The following FTCDNL1 variants were observed in gnomAD, a reference collection of about 807,000 sequenced individuals.
FTCDNL1 encodes formiminotransferase N-terminal subdomain-containing protein.
In FTCDNL1, 11 loss-of-function variants were observed where a neutral mutation model predicts 5.9. That is an observed-to-expected ratio of 1.87 (90% CI 1.18 to 3.10). The LOEUF (loss-of-function observed/expected upper bound fraction) is 3.10, where lower values mean the gene tolerates loss of function less well. FTCDNL1 is among the 30% of genes most tolerant of loss of function. The pLI is 0.00. For synonymous variants in FTCDNL1, 58 were observed against 24.8 expected, an observed-to-expected ratio of 2.34 and a Z score of -3.99; for missense variants, 115 against 65.5, an observed-to-expected ratio of 1.76 and a Z score of -2.61.
At chr2:199,806,496 T>C (rs1700732396), downstream of FTCDNL1, among the ~76,000 whole-genome samples, 2 of 152,234 alleles carry the variant, frequency 1.3e-5, no homozygotes, top group Admixed American at 6.5e-5. Context: ...CAAGCCTGCT[T>C]TGGCTCAGCC....
the FTCDNL1 span, among the ~76,000 whole-genome samples, chr2:199,702,346 A>C: frequency 6.6e-6 from 1 of 152,176 alleles, no homozygotes; most frequent in Admixed American, 6.5e-5. Context: ...AATTCGAGTC[A>C]TCACATGGTA....
chr2:199,678,628 T>C, the FTCDNL1 span, among the ~76,000 whole-genome samples: 2 of 151,928 alleles, frequency 1.3e-5, no homozygotes, highest in Non-Finnish European at 2.9e-5. Flanking sequence ...TGATTTATCC[T>C]CATTTTGGAA....
In FTCDNL1 at chr2:199,819,657, C is replaced by T; in HGVS notation, c.312G>A (p.Lys104=). Residue 104 remains lysine (K), a synonymous_variant, in exon 4 of 5, where the codon AAG becomes AAA. Transcript: ENST00000420128. ...PEKRSLVQRR[K]QLGWFTRRDF... Reference sequence around the variant, plus strand: ...CCCTCCTCGTGAACCAGCCCAGCTGCTTCCTTCTCTGCACAAGACTGCGCT... The same window carrying T: ...CCCTCCTCGTGAACCAGCCCAGCTGTTTCCTTCTCTGCACAAGACTGCGCT... 1 of 702,338 alleles carries T rather than the reference C, an allele frequency of 1.4e-6. No individual in the cohort carries two copies. The highest frequency in any genetic ancestry group is 2.6e-6 in the Non-Finnish European group (1 of 384,818). The allele number at this position is 702,338 out of a possible 1,614,324, so 43.5% of individuals were successfully genotyped here. A position where few individuals can be genotyped will look rare whatever the true frequency, so the allele number is the denominator to read the frequency against.
intron 3 of FTCDNL1, among the ~76,000 whole-genome samples, chr2:199,787,192 T>TTTTC (rs1699698392): frequency 2.8e-5 from 4 of 143,564 alleles, no homozygotes; most frequent in Non-Finnish European, 6.3e-5. Flanking sequence ...CTTTTCTTTT[T>TTTTC]TTTTTTTGAG....
the FTCDNL1 span, among the ~76,000 whole-genome samples, chr2:199,676,677 A>T: frequency 2.6e-5 from 4 of 152,150 alleles, no homozygotes; most frequent in African/African-American, 9.7e-5. Flanking sequence ...GATGTTCTTA[A>T]GCAAATGCTG....
rs200391475 is a variant in FTCDNL1, at chr2:199,788,339, TA to T, written c.212-27505del. Among the ~76,000 whole-genome samples, 937 of 152,276 alleles carry T rather than the reference TA, an allele frequency of 6.2e-3. 3 individuals carry two copies. Among genetic ancestry groups the T allele is most frequent in the Middle Eastern group, 0.01 (3 of 294 alleles). ...GGGAAGAAGAGAAATTCTAGGGGAATATTTTTTTAGTAGATATTTTAGCACA... is the reference window on the plus strand; with the variant it reads ...GGGAAGAAGAGAAATTCTAGGGGAATTTTTTTTAGTAGATATTTTAGCACA... On this transcript the variant is annotated intron_variant, in intron 3 of 3. Transcript: ENST00000416668.
chr2:199,684,383 A>C, the FTCDNL1 span, among the ~76,000 whole-genome samples: 1 of 152,200 alleles, frequency 6.6e-6, no homozygotes, highest in East Asian at 1.9e-4. Context: ...TACTTTCCAG[A>C]GTCATGGCAC....
intron 3 of FTCDNL1, among the ~76,000 whole-genome samples, chr2:199,821,448 C>A (rs1160088702): frequency 6.7e-6 from 1 of 148,332 alleles, no homozygotes; most frequent in Non-Finnish European, 1.5e-5. Context: ...GCATAAGCCA[C>A]GTGCCCAGCC....
chr2:199,744,920 G>A, the FTCDNL1 span, among the ~76,000 whole-genome samples: 8 of 152,156 alleles, frequency 5.3e-5, no homozygotes, highest in Non-Finnish European at 1.0e-4. Flanking sequence ...CCCGTTCCTC[G>A]CAAAGGCCTC....
the FTCDNL1 span, among the ~76,000 whole-genome samples, chr2:199,722,531 T>C: frequency 6.6e-6 from 1 of 152,236 alleles, no homozygotes; most frequent in African/African-American, 2.4e-5. Flanking sequence ...TGTAGCCTTG[T>C]AGTACAGTTT....
At chr2:199,831,232 AG>A (rs1256191422) in intron 3 of FTCDNL1, among the ~76,000 whole-genome samples, 1 of 152,242 alleles carries the variant, frequency 6.6e-6, no homozygotes, top group African/African-American at 2.4e-5. Context: ...TATGGAAATG[AG>A]GTCAGGATAA....
rs1700913654 is a variant in FTCDNL1 at position 199,809,522 on chromosome 2, A to G, written c.*3183T>C. ...CTGTGCTTTATGGGGAGCATCTGATACTAGAACAATATAAATACTAAGGAT... is the reference window on the plus strand; with the variant it reads ...CTGTGCTTTATGGGGAGCATCTGATGCTAGAACAATATAAATACTAAGGAT... On this transcript the variant is annotated 3_prime_UTR_variant, in exon 5 of 5. Transcript: ENST00000420128. Among the ~76,000 whole-genome samples, 1 of 152,174 alleles carries G rather than the reference A, an allele frequency of 6.6e-6. No homozygotes were observed. Among genetic ancestry groups the G allele is most frequent in the South Asian group, 2.1e-4 (1 of 4,820 alleles).
At chr2:199,664,627 T>C in the FTCDNL1 span, among the ~76,000 whole-genome samples, 1 of 152,192 alleles carries the variant, frequency 6.6e-6, no homozygotes, top group Non-Finnish European at 1.5e-5. Flanking sequence ...AACTTAAAGA[T>C]ATCTTAGAAA....
chr2:199,845,932 A>AT (rs2076721158), intron 3 of FTCDNL1, 143 bp downstream of exon 3: 1 of 416,368 alleles, frequency 2.4e-6, no homozygotes, highest in Non-Finnish European at 4.2e-6. Context: ...CAGAAAAATG[A>AT]TTAAGTGTAG....
intron 3 of FTCDNL1, among the ~76,000 whole-genome samples, chr2:199,785,249 C>CATTTTTTTTT (rs535762570): frequency 1.3e-5 from 1 of 76,866 alleles, no homozygotes; most frequent in Non-Finnish European, 2.2e-5. Context: ...TTCCAAATTC[C>CATTTTTTTTT]TTTTTTTTTT....
At chr2:199,819,280 G>C (rs142621018) in intron 4 of FTCDNL1, 3 of 363,560 alleles carry the variant, frequency 8.3e-6, no homozygotes, top group African/African-American at 6.1e-5. Flanking sequence ...CCCTGCCCCA[G>C]TGCCAGGAGC....
At chr2:199,776,388 A>C (rs1301268053) in intron 3 of FTCDNL1, among the ~76,000 whole-genome samples, 1 of 152,222 alleles carries the variant, frequency 6.6e-6, no homozygotes, top group African/African-American at 2.4e-5. Context: ...CTCAGTTTTA[A>C]TCACACTACT....
chr2:199,766,137 TG>T (rs1698528573), intron 3 of FTCDNL1, among the ~76,000 whole-genome samples: 1 of 152,220 alleles, frequency 6.6e-6, no homozygotes, highest in Non-Finnish European at 1.5e-5. Context: ...AATGTCAAGC[TG>T]GAAGTGCTCT....
the FTCDNL1 span, among the ~76,000 whole-genome samples, chr2:199,692,496 T>C: frequency 6.6e-6 from 1 of 152,234 alleles, no homozygotes; most frequent in Admixed American, 6.5e-5. Flanking sequence ...TCATTTACAG[T>C]GGCGTAATTA....
Sources: allele counts gnomAD v4.1 joint callset (sites outside exome capture counted in the v4.1 genomes callset), GRCh38; gene constraint gnomAD v4.1.1; transcripts MANE v1.5; gene names NCBI Gene and HGNC (gene_info 2026-07-23, HGNC 2026-07-21).